Variants in ULK2 observed in about 807,000 individuals in gnomAD.
ULK2 encodes the protein serine/threonine-protein kinase ULK2.
In ULK2, 76 loss-of-function variants were observed where a neutral mutation model predicts 127.5. The observed-to-expected ratio is 0.60, with a 90% CI of 0.50 to 0.72. The LOEUF (loss-of-function observed/expected upper bound fraction) is 0.72, where lower values mean the gene tolerates loss of function less well. Ranked by LOEUF, ULK2 falls within the 30% of genes least tolerant of loss-of-function variation. The pLI is 0.00. For missense variants in ULK2, 1,144 were observed against 1,295.9 expected (o/e 0.88, Z 1.80); for synonymous variants, 452 against 461.9 (o/e 0.98, Z 0.28).
intron 25 of ULK2, among the ~76,000 whole-genome samples, chr17:19,779,838 G>A (rs2086882468): frequency 6.6e-6 from 1 of 152,098 alleles, no homozygotes; most frequent in Admixed American, 6.5e-5. Context: ...AGCAGAAAAT[G>A]CAGAAACAGA....
At chr17:19,787,181 G>A (rs996476125) in intron 20 of ULK2, among the ~76,000 whole-genome samples, 1 of 152,112 alleles carries the variant, frequency 6.6e-6, no homozygotes, top group Admixed American at 6.5e-5. Context: ...TAGAGACAGG[G>A]TTTCATCATG....
At chr17:19,793,024 C>T (rs1262609386) in intron 20 of ULK2, among the ~76,000 whole-genome samples, 1 of 151,932 alleles carries the variant, frequency 6.6e-6, no homozygotes, top group African/African-American at 2.4e-5. Context: ...AATAACTGCC[C>T]GAGACTGGGA....
chr17:19,846,064 T>A (rs542887918), intron 6 of ULK2, among the ~76,000 whole-genome samples: 4 of 152,228 alleles, frequency 2.6e-5, no homozygotes, highest in Non-Finnish European at 5.9e-5. Context: ...AGGCAGAGGT[T>A]GTAGTGAGCC....
In ULK2 at chr17:19,797,652, T is replaced by C. The variant is rs1350063653; in HGVS notation, c.1553A>G (p.Gln518Arg). 3.8e-6 allele frequency: 6 copies of C among 1,568,684 alleles called. No individual in the cohort carries two copies. The highest frequency in any genetic ancestry group is 1.7e-4 in the Middle Eastern group (1 of 5,864). The change falls in exon 18 of 27, where the codon CAG becomes CGG. Residue 518 changes from glutamine (Q) to arginine (R), a missense_variant. Coordinates refer to ENST00000395544, the MANE Select transcript of ULK2 (RefSeq NM_014683.4). The stretch of plus-strand genomic sequence containing the variant: ...CAGTCTAGCACCCGATAAGAGAGAC[T>C]GTGGGGACTGAGCTTGTGGCACTGG... Reference protein sequence around the residue: ...GSPVPQAQSPQSLLSGARLQS... With the variant: ...GSPVPQAQSPRSLLSGARLQS...
In ULK2 at chr17:19,815,247, T is replaced by C. The variant is rs192587864; in HGVS notation, c.1096+1502A>G. 3.3e-4 allele frequency among the ~76,000 whole-genome samples: 49 copies of C among 148,098 alleles called. 1 individual carries two copies. In the East Asian group the frequency reaches 0.012, roughly 35 times the overall value. On this transcript the variant is annotated intron_variant, in intron 13 of 26. Coordinates refer to ENST00000395544, the MANE Select transcript of ULK2 (RefSeq NM_014683.4). ...GGCACTTTAGCTGTACTTAACAGCA[T>C]TTTTTTTTGTTTGTTTTTTTGTTTG...
At chr17:19,811,481 G>A (rs540439444) in intron 13 of ULK2, among the ~76,000 whole-genome samples, 6 of 150,694 alleles carry the variant, frequency 4.0e-5, no homozygotes, top group African/African-American at 1.2e-4. Context: ...TCACTCTGTC[G>A]CCCAGGCTGA....
chr17:19,856,932 G>A (rs1487183435), intron 3 of ULK2, among the ~76,000 whole-genome samples: 6 of 121,600 alleles, frequency 4.9e-5, no homozygotes, highest in Admixed American at 1.1e-4. Context: ...AGCCGAGATC[G>A]CACCACGGCA....
chr17:19,821,898 T>C (rs1386072713), intron 12 of ULK2, among the ~76,000 whole-genome samples: 1 of 152,090 alleles, frequency 6.6e-6, no homozygotes, highest in African/African-American at 2.4e-5. Context: ...GTTGCCCAAG[T>C]TGGTCTCAAA....
chr17:19,814,456 T>TTTTTTTTTTTTG (rs1555557161), intron 13 of ULK2, among the ~76,000 whole-genome samples: 2 of 18,254 alleles, frequency 1.1e-4, no homozygotes, highest in Non-Finnish European at 2.2e-4. Flanking sequence ...TTTTTTTTTT[T>TTTTTTTTTTTTG]TTTTTTTGGA....
chr17:19,808,038 G>A (rs750714537), intron 14 of ULK2, among the ~76,000 whole-genome samples: 31 of 152,210 alleles, frequency 2.0e-4, no homozygotes, highest in Non-Finnish European at 2.4e-4. Flanking sequence ...CCTGGGAGGC[G>A]GAGGCTGCAG....
chr17:19,856,351 G>A (rs374286773), intron 3 of ULK2, among the ~76,000 whole-genome samples: 2 of 152,118 alleles, frequency 1.3e-5, no homozygotes, highest in Non-Finnish European at 2.9e-5. Context: ...GGGAGGCCGA[G>A]GCAGGCGGGT....
chr17:19,835,022 C>A (rs139892196), intron 10 of ULK2, among the ~76,000 whole-genome samples: 1 of 152,070 alleles, frequency 6.6e-6, no homozygotes, highest in African/African-American at 2.4e-5. Flanking sequence ...TCCTAACACC[C>A]CACTGCTGAG....
intron 22 of ULK2, 47 bp downstream of exon 22, chr17:19,783,650 C>A: frequency 7.3e-7 from 1 of 1,371,052 alleles, no homozygotes; most frequent in South Asian, 2.1e-5. Flanking sequence ...AGAATGTTCT[C>A]ATATCAAATC....
At chr17:19,821,847 A>G (rs1356251486) in intron 12 of ULK2, among the ~76,000 whole-genome samples, 2 of 152,226 alleles carry the variant, frequency 1.3e-5, no homozygotes, top group Non-Finnish European at 1.5e-5. Flanking sequence ...TCAAGCACCC[A>G]GCTAATTTTT....
intron 3 of ULK2, among the ~76,000 whole-genome samples, chr17:19,860,587 C>G (rs1415835687): frequency 6.7e-6 from 1 of 149,516 alleles, no homozygotes; most frequent in East Asian, 2.0e-4. Flanking sequence ...TGCAATGGCG[C>G]GATCTCGGCT....
intron 15 of ULK2, among the ~76,000 whole-genome samples, chr17:19,803,597 CACTTT>C (rs1370029321): frequency 6.6e-6 from 1 of 152,204 alleles, no homozygotes; most frequent in Non-Finnish European, 1.5e-5. Context: ...TACTGTTAAT[CACTTT>C]ACTTTTTTCA....
chr17:19,796,188 T>G lies in ULK2; in HGVS notation c.1904A>C (p.Asp635Ala). 8.7e-6 allele frequency: 14 copies of G among 1,614,224 alleles called. No homozygotes were observed. Among genetic ancestry groups the G allele is most frequent in the Non-Finnish European group, 1.2e-5 (14 of 1,180,038 alleles). The change falls in exon 19 of 27, where the codon GAT (aspartate) becomes GCT (alanine). Residue 635 changes from aspartate (D) to alanine (A), a missense_variant. Asp to Ala is a moderately radical substitution (Grantham distance 126). Around this residue, in one of 2 missense-constraint regions of ULK2, gnomAD observed 913 missense variants for 970.5 expected, o/e 0.94. Transcript: ENST00000395544. ...RHGPAEEQSK[D>A]GNEPRECAHC... ...GGCACATTCCCGTGGCTCATTCCCA[T>G]CTTTCGACTGTTCTTCAGCAGGCCC...
At chr17:19,790,211 G>A (rs1469706121) in intron 20 of ULK2, among the ~76,000 whole-genome samples, 2 of 152,144 alleles carry the variant, frequency 1.3e-5, no homozygotes, top group South Asian at 2.1e-4. Context: ...GAGGACAGGA[G>A]TTCGAGACTA....
At chr17:19,800,759 T>A (rs1341743066) in intron 16 of ULK2, among the ~76,000 whole-genome samples, 1 of 152,112 alleles carries the variant, frequency 6.6e-6, no homozygotes, top group East Asian at 1.9e-4. Flanking sequence ...GTATTTTTTT[T>A]ACAGTTTTGA....
Sources: gnomAD v4.1 joint callset for allele counts (sites outside exome capture counted in the v4.1 genomes callset) on GRCh38, gnomAD v4.1.1 for gene constraint, gnomAD v4.1.1 regional missense constraint, MANE v1.5 for transcripts, NCBI Gene and HGNC (gene_info 2026-07-23, HGNC 2026-07-21) for gene names.